Variants in RNF34 observed in about 807,000 individuals in gnomAD.
RNF34 encodes E3 ubiquitin-protein ligase RNF34.
In RNF34, 12 loss-of-function variants were observed where a neutral mutation model predicts 37.9. That is an observed-to-expected ratio of 0.32 (90% CI 0.20 to 0.51). The LOEUF is 0.51. RNF34 is among the 20% of genes least tolerant of loss of function. RNF34 has a pLI of 0.97. For missense variants in RNF34, 362 were observed against 472.7 expected (o/e 0.77, Z 2.17); for synonymous variants, 155 against 177.2 (o/e 0.87, Z 1.00).
At chr12:121,404,425 CTCTT>C (rs1343464755) in intron 1 of RNF34, among the ~76,000 whole-genome samples, 2 of 87,122 alleles carry the variant, frequency 2.3e-5, no homozygotes, top group African/African-American at 8.5e-5. Context: ...GATGGAGTCT[CTCTT>C]TGTTGCCCAG....
intron 1 of RNF34, among the ~76,000 whole-genome samples, chr12:121,402,548 A>G (rs1555280140): frequency 7.0e-6 from 1 of 141,870 alleles, no homozygotes; most frequent in South Asian, 2.2e-4. Flanking sequence ...TCAACTTCCT[A>G]TAAGGGATTA....
intron 1 of RNF34, among the ~76,000 whole-genome samples, chr12:121,414,896 C>T (rs1465532563): frequency 2.0e-5 from 3 of 152,202 alleles, no homozygotes; most frequent in Non-Finnish European, 4.4e-5. Flanking sequence ...GAGTTCGAGA[C>T]CAGCCATGGT....
chr12:121,418,858 A>C (rs1871827757), intron 3 of RNF34: 1 of 152,114 alleles, frequency 6.6e-6, no homozygotes, highest in South Asian at 2.1e-4. Context: ...AGTAGCTAGG[A>C]TTACACCCCA....
intron 1 of RNF34, among the ~76,000 whole-genome samples, chr12:121,402,140 C>G (rs781891541): frequency 3.3e-5 from 5 of 152,066 alleles, no homozygotes; most frequent in Non-Finnish European, 7.4e-5. Context: ...ACATTAAAAG[C>G]TAAGCAAGTA....
chr12:121,414,104 T>G (rs1238050016), intron 1 of RNF34, among the ~76,000 whole-genome samples: 1 of 152,250 alleles, frequency 6.6e-6, no homozygotes, highest in Non-Finnish European at 1.5e-5. Context: ...GGTTGAGGGC[T>G]TTTTATTTGC....
At chr12:121,418,109 TCTG>T (rs1391484114) in intron 3 of RNF34, 198 bp downstream of exon 3, 2 of 607,764 alleles carry the variant, frequency 3.3e-6, no homozygotes, top group East Asian at 5.7e-5. Context: ...GGCTCCAAAG[TCTG>T]CTGTCTGAAG....
At chr12:121,400,766 G>T (rs1451246015) in intron 1 of RNF34, among the ~76,000 whole-genome samples, 3 of 152,218 alleles carry the variant, frequency 2.0e-5, no homozygotes, top group African/African-American at 7.2e-5. Context: ...AACTAGAGAA[G>T]GCTGGATGTG....
At chr12:121,407,032 A>G (rs1178872324) in intron 1 of RNF34, among the ~76,000 whole-genome samples, 3 of 152,078 alleles carry the variant, frequency 2.0e-5, no homozygotes, top group African/African-American at 7.2e-5. Flanking sequence ...TGAACACAGT[A>G]CCCAACAGTT....
intron 1 of RNF34, among the ~76,000 whole-genome samples, chr12:121,411,290 G>C (rs536914107): frequency 6.6e-6 from 1 of 152,032 alleles, no homozygotes; most frequent in South Asian, 2.1e-4. Flanking sequence ...TTTTCTTTCT[G>C]GGGAACAAAG....
Position 121,420,625 on chromosome 12 carries a change from T to A in RNF34, c.775T>A (p.Ser259Thr). 1 of 1,614,158 alleles carries A rather than the reference T, an allele frequency of 6.2e-7. No homozygotes were observed. The highest frequency in any genetic ancestry group is 1.6e-4 in the Middle Eastern group (1 of 6,062). Residue 259 changes from serine (S) to threonine (T), a missense_variant, in exon 5 of 6, where the codon TCA (serine) becomes ACA (threonine). Transcript: ENST00000361234. ...ERVRASLSDL[S>T]SLDDVEGMSV... ...AGTGAGAGCTTCACTGTCTGACTTG[T>A]CAAGCCTTGATGATGTGGAAGGAAT...
intron 5 of RNF34, 57 bp downstream of exon 5, chr12:121,420,835 T>C: frequency 7.3e-7 from 1 of 1,363,858 alleles, no homozygotes; most frequent in Non-Finnish European, 1.0e-6. Flanking sequence ...TTTTAAAAAC[T>C]GGGTTGTTTT....
chr12:121,415,813 A>G (rs1281004367), intron 1 of RNF34, among the ~76,000 whole-genome samples: 2 of 146,822 alleles, frequency 1.4e-5, no homozygotes, highest in Admixed American at 1.4e-4. Flanking sequence ...TATCCCAAAT[A>G]TACCACAGGA....
At chr12:121,412,301 G>A (rs1328765895) in intron 1 of RNF34, among the ~76,000 whole-genome samples, 4 of 140,696 alleles carry the variant, frequency 2.8e-5, no homozygotes, top group Non-Finnish European at 6.0e-5. Context: ...GTACAGTGGC[G>A]CAATCTCGGC....
At chr12:121,406,442 A>G (rs781945425) in intron 1 of RNF34, among the ~76,000 whole-genome samples, 1 of 151,682 alleles carries the variant, frequency 6.6e-6, no homozygotes, top group Non-Finnish European at 1.5e-5. Context: ...ACTTGCCACC[A>G]CGCCTGACTA....
chr12:121,412,549 TTG>T (rs1871180365), intron 1 of RNF34, among the ~76,000 whole-genome samples: 2 of 151,782 alleles, frequency 1.3e-5, no homozygotes, highest in Non-Finnish European at 2.9e-5. Flanking sequence ...GGCCTAATTT[TTG>T]TGTTTTTAGT....
rs527905830 is a variant in RNF34 at position 121,413,434 on chromosome 12, C to T, written c.7-2725C>T. ...CCTGTCCTTTTTTTTTTTTTTGAGA[C>T]GGAGTTTTGCTCTTTTGCCCAAGCT... On this transcript the variant is annotated intron_variant, in intron 1 of 5. Transcript: ENST00000361234. 2.5e-4 allele frequency among the ~76,000 whole-genome samples: 25 copies of T among 100,800 alleles called. No homozygotes were observed. The East Asian group carries it at 4.9e-3, about 20-fold the overall frequency. 66.1% of individuals were successfully genotyped at this position (100,800 alleles called of 152,430 possible).
Position 121,417,510 on chromosome 12 carries a change from T to C in RNF34, c.232T>C (p.Cys78Arg), listed in dbSNP as rs1555282354. The C allele has an allele frequency of 6.2e-7, 1 of 1,611,566 alleles. No individual in the cohort carries two copies. The highest frequency in any genetic ancestry group is 8.5e-7 in the Non-Finnish European group (1 of 1,178,188). The change falls in exon 3 of 6, where the codon TGC becomes CGC. Residue 78 changes from cysteine (C) to arginine (R), a missense_variant. Coordinates refer to ENST00000361234, the MANE Select transcript of RNF34 (RefSeq NM_025126.4). The surrounding 1 kb of genome is among the most constrained non-coding windows in gnomAD (Gnocchi z 5.0). ...SFSVFRKKHVCCDCKKDFCSV... is the reference protein window; with the variant it reads ...SFSVFRKKHVRCDCKKDFCSV... ...AATGCTTTTCTTTCTTCAGCATGTT[T>C]GCTGTGACTGCAAGAAGGATTTTTG...
rs41468645 is a variant in RNF34, at chr12:121,417,437, A to G, written c.226-67A>G. 7.2e-7 allele frequency: 1 copy of G among 1,393,878 alleles called. No individual in the cohort carries two copies. Among genetic ancestry groups the G allele is most frequent in the East Asian group, 2.3e-5 (1 of 43,552 alleles). 86.3% of individuals were successfully genotyped at this position (1,393,878 alleles called of 1,614,324 possible). On this transcript the variant is annotated intron_variant, in intron 2 of 5. Coordinates refer to ENST00000361234, the MANE Select transcript of RNF34 (RefSeq NM_025126.4). This position sits in a 1 kb window ranked among gnomAD's most constrained non-coding sequence, Gnocchi z 5.0. ...CTAAAATTAAATTTTAGTAGAAGGCAGAAAGAAAACTCATGCTTTCATAAT... is the reference window on the plus strand; with the variant it reads ...CTAAAATTAAATTTTAGTAGAAGGCGGAAAGAAAACTCATGCTTTCATAAT...
chr12:121,408,272 C>T (rs782662795), intron 1 of RNF34, among the ~76,000 whole-genome samples: 1 of 152,094 alleles, frequency 6.6e-6, no homozygotes, highest in Non-Finnish European at 1.5e-5. Context: ...GAAACCCCGT[C>T]TCTACTAAAA....
Sources: gnomAD v4.1 joint callset for allele counts (sites outside exome capture counted in the v4.1 genomes callset) on GRCh38, gnomAD v4.1.1 for gene constraint, Gnocchi (gnomAD v3.1) non-coding constraint, MANE v1.5 for transcripts, NCBI Gene and HGNC (gene_info 2026-07-23, HGNC 2026-07-21) for gene names.